EPHA10: variants seen among roughly 807,000 people sequenced by gnomAD.
The protein encoded by EPHA10 is EPH receptor A10.
Under a neutral mutation model 109.7 loss-of-function variants are expected in EPHA10, and 120 were observed. The ratio of observed to expected loss-of-function variants is 1.09; its 90% CI spans 0.94 to 1.27. The LOEUF (loss-of-function observed/expected upper bound fraction) is 1.27. Among genes scored for constraint, EPHA10 ranks in the 50% most tolerant of loss-of-function variants. EPHA10 has a pLI of 0.00. For synonymous variants in EPHA10, 640 were observed against 618.9 expected, an observed-to-expected ratio of 1.03 and a Z score of -0.51; for missense variants, 1,396 against 1,411.1, an observed-to-expected ratio of 0.99 and a Z score of 0.17.
chr1:37,721,560 G>A, intron 11 of EPHA10, 100 bp downstream of exon 11: 1 of 1,246,918 alleles, frequency 8.0e-7, no homozygotes. Flanking sequence ...ATAGCTGAGG[G>A]AAGGACCTGG....
chr1:37,742,720 T>C lies in EPHA10; in HGVS notation c.1358-7330A>G, dbSNP rs1408063967. 2.9e-5 allele frequency among the ~76,000 whole-genome samples: 2 copies of C among 68,514 alleles called. 1 individual carries two copies. The highest frequency in any genetic ancestry group is 6.7e-5 in the Non-Finnish European group (2 of 29,822). 44.9% of individuals were successfully genotyped at this position (68,514 alleles called of 152,430 possible). A position where few individuals can be genotyped will look rare whatever the true frequency, so the allele number is the denominator to read the frequency against. On this transcript the variant is annotated intron_variant, in intron 5 of 16. Transcript: ENST00000373048. Reference sequence around the variant, plus strand: ...GTCAGTTAGGGCCCAGCACTGTGGCTCATGCCTATAATCCCAGAGCTTTGA... The same window carrying C: ...GTCAGTTAGGGCCCAGCACTGTGGCCCATGCCTATAATCCCAGAGCTTTGA...
Position 37,754,235 on chromosome 1 carries a change from G to C in EPHA10, c.986C>G (p.Pro329Arg). Residue 329 changes from proline to arginine, a missense_variant, in exon 4 of 17, where the codon CCG becomes CGG. Pro to Arg is a moderately radical substitution (Grantham distance 103, BLOSUM62 -2). Transcript: ENST00000373048. The surrounding 1 kb of genome is among the most constrained non-coding windows in gnomAD (Gnocchi z 4.5). ...QDSYARSPTD[P>R]PSASCTRPPS... is the part of the protein sequence containing the mutation. ...CTCACGGGTGCAGGAAGCCGAGGGC[G>C]GGTCGGTGGGTGAGCGCGCATAGCT... 1 of 1,310,696 alleles carries C rather than the reference G, an allele frequency of 7.6e-7. No individual in the cohort carries two copies. The allele number at this position is 1,310,696 out of a possible 1,614,324, so 81.2% of individuals were successfully genotyped here.
chr1:37,725,112 G>C (rs922859634), intron 8 of EPHA10, among the ~76,000 whole-genome samples: 1 of 152,136 alleles, frequency 6.6e-6, no homozygotes, highest in African/African-American at 2.4e-5. Context: ...AGTAGTCCAG[G>C]GGCCAGTGAT....
At chr1:37,728,356 A>G (rs1207212735) in intron 7 of EPHA10, among the ~76,000 whole-genome samples, 1 of 152,136 alleles carries the variant, frequency 6.6e-6, no homozygotes, top group Non-Finnish European at 1.5e-5. Context: ...TTCCTGCCTA[A>G]GAAGAAAAGG....
chr1:37,729,009 C>G (rs1360251258), intron 7 of EPHA10, among the ~76,000 whole-genome samples: 3 of 152,138 alleles, frequency 2.0e-5, no homozygotes, highest in Non-Finnish European at 4.4e-5. Flanking sequence ...CAGAATATGG[C>G]AAGAGTATTG....
In EPHA10 at chr1:37,754,393, A is replaced by C; in HGVS notation, c.851-23T>G. Reference sequence around the variant, plus strand: ...AGGCTGCAGGGCATGGCTGGTGAGAAGAGGGGGCTCCTCCAGTTTCTCCCC... The same window carrying C: ...AGGCTGCAGGGCATGGCTGGTGAGACGAGGGGGCTCCTCCAGTTTCTCCCC... On this transcript the variant is annotated intron_variant, in intron 3 of 16. Transcript: ENST00000373048. This position sits in a 1 kb window ranked among gnomAD's most constrained non-coding sequence, Gnocchi z 4.5. The C allele has an allele frequency of 7.8e-7, 1 of 1,286,212 alleles. No homozygotes were observed. The highest frequency in any genetic ancestry group is 1.5e-5 in the African/African-American group (1 of 64,908). The allele number at this position is 1,286,212 out of a possible 1,614,324, so 79.7% of individuals were successfully genotyped here. A position where few individuals can be genotyped will look rare whatever the true frequency, so the allele number is the denominator to read the frequency against.
intron 1 of EPHA10, among the ~76,000 whole-genome samples, chr1:37,763,506 G>A (rs1646450879): frequency 1.3e-5 from 2 of 152,150 alleles, no homozygotes; most frequent in Admixed American, 1.3e-4. Flanking sequence ...CACGGTTCTA[G>A]GGATTAGGAC....
At chr1:37,761,320 C>T (rs1646427714) in intron 3 of EPHA10, 85 bp downstream of exon 3, 9 of 1,556,980 alleles carry the variant, frequency 5.8e-6, no homozygotes, top group East Asian at 2.2e-5. Flanking sequence ...ACCCCACACC[C>T]GCCTCTTTCC....
Position 37,754,106 on chromosome 1 carries a change from G to C in EPHA10, c.1006+109C>G, listed in dbSNP as rs1323949261. On this transcript the variant is annotated intron_variant, in intron 4 of 16. Coordinates refer to ENST00000373048, the MANE Select transcript of EPHA10 (RefSeq NM_001099439.2). This position sits in a 1 kb window ranked among gnomAD's most constrained non-coding sequence, Gnocchi z 4.5. ...GGCGCTGGCCCCCATATCCGCCCAC[G>C]TGCGCCCCAGTGCGGAGACCCTGCC... The C allele has an allele frequency of 1.7e-6, 2 of 1,168,014 alleles. No individual in the cohort carries two copies. Among genetic ancestry groups the C allele is most frequent in the Non-Finnish European group, 1.1e-6 (1 of 925,370 alleles). The allele number at this position is 1,168,014 out of a possible 1,614,324, so 72.4% of individuals were successfully genotyped here.
In EPHA10 at chr1:37,761,942, G is replaced by C. The variant is rs1305600481; in HGVS notation, c.313C>G (p.Leu105Val). Reference protein sequence around the residue: ...RGRGQRIFVELQFTLRDCSSI... With the variant: ...RGRGQRIFVEVQFTLRDCSSI... ...CTGCAGTCACGGAGTGTGAACTGCA[G>C]TTCCACGAAGATGCGCTGCCCGCGG... The change falls in exon 3 of 17, where the codon CTG becomes GTG. Residue 105 changes from leucine (L) to valine (V), a missense_variant. Physicochemically the swap from Leu to Val is conservative, Grantham distance 32. Transcript: ENST00000373048. 1 of 1,614,138 alleles carries C rather than the reference G, an allele frequency of 6.2e-7. No individual in the cohort carries two copies. The highest frequency in any genetic ancestry group is 1.3e-5 in the African/African-American group (1 of 75,080).
chr1:37,764,492 G>C lies in EPHA10; in HGVS notation c.106+469C>G, dbSNP rs947529706. Among the ~76,000 whole-genome samples the C allele has an allele frequency of 6.6e-6, 1 of 152,218 alleles. No individual in the cohort carries two copies. Among genetic ancestry groups the C allele is most frequent in the Non-Finnish European group, 1.5e-5 (1 of 68,040 alleles). ...CGGACAGTTCCATGATCAGCACGTCGGGCAGCGCCCGGATCCAGCCCCCTC... is the reference window on the plus strand; with the variant it reads ...CGGACAGTTCCATGATCAGCACGTCCGGCAGCGCCCGGATCCAGCCCCCTC... On this transcript the variant is annotated intron_variant, in intron 1 of 16. Coordinates refer to ENST00000373048, the MANE Select transcript of EPHA10 (RefSeq NM_001099439.2). This position sits in a 1 kb window ranked among gnomAD's most constrained non-coding sequence, Gnocchi z 5.8.
chr1:37,762,818 G>C lies in EPHA10; in HGVS notation c.138C>G (p.Ala46=), dbSNP rs763001975. The C allele has an allele frequency of 5.1e-6, 8 of 1,553,694 alleles. No individual in the cohort carries two copies. The highest frequency in any genetic ancestry group is 7.0e-6 in the Non-Finnish European group (8 of 1,147,838). Residue 46 remains alanine (A), a synonymous_variant, in exon 2 of 17, where the codon GCC becomes GCG. Transcript: ENST00000373048. ...TTGGCAGTGCAGTCCAGCCCAGCTC[G>C]GCCTGGGAGGCTTTGGAATCCAGGA... The part of the protein sequence containing the change: ...VILLDSKASQ[A]ELGWTALPSN...
chr1:37,737,125 C>A (rs1445636782), intron 5 of EPHA10, among the ~76,000 whole-genome samples: 1 of 152,016 alleles, frequency 6.6e-6, no homozygotes, highest in Admixed American at 6.6e-5. Flanking sequence ...CTAAAAGGAC[C>A]ATGAATAGTC....
chr1:37,723,513 T>A, intron 8 of EPHA10, 141 bp from the exon 9 acceptor site: 2 of 955,062 alleles, frequency 2.1e-6, no homozygotes, highest in Non-Finnish European at 3.1e-6. Flanking sequence ...CCAGCTGGTT[T>A]AAAAGCTTCT....
intron 5 of EPHA10, among the ~76,000 whole-genome samples, chr1:37,746,812 C>A (rs186523825): frequency 3.3e-5 from 5 of 152,256 alleles, no homozygotes. Context: ...CTGATACGTG[C>A]TACAATATGG....
At position 37,718,368 on chromosome 1, in the gene EPHA10, C is replaced by T. The variant is rs1243530283; in HGVS notation, c.*4G>A. ...GAGTCCTGCCTTGGAAGAATGGGGT[C>T]CACTCACACCTGCACCCCCTGGCCC... On this transcript the variant is annotated 3_prime_UTR_variant, in exon 17 of 17. Coordinates refer to ENST00000373048, the MANE Select transcript of EPHA10 (RefSeq NM_001099439.2). 6.3e-7 allele frequency: 1 copy of T among 1,596,144 alleles called. No homozygotes were observed. Among genetic ancestry groups the T allele is most frequent in the East Asian group, 2.2e-5 (1 of 44,758 alleles).
intron 5 of EPHA10, among the ~76,000 whole-genome samples, chr1:37,740,009 G>T (rs551549499): frequency 6.6e-6 from 1 of 152,034 alleles, no homozygotes; most frequent in East Asian, 1.9e-4. Flanking sequence ...CAGGAGGCTT[G>T]CCCAAGACCA....
At chr1:37,732,397 C>T (rs1645998583) in intron 6 of EPHA10, among the ~76,000 whole-genome samples, 4 of 152,180 alleles carry the variant, frequency 2.6e-5, no homozygotes, top group African/African-American at 9.7e-5. Flanking sequence ...CCCGTCGTTT[C>T]GTCCCTGCCC....
intron 6 of EPHA10, chr1:37,734,469 G>A: frequency 2.8e-6 from 1 of 356,680 alleles, no homozygotes; most frequent in Admixed American, 3.7e-5. Context: ...GGGAGACGGA[G>A]GTTGCAGTGA....
Sources: allele counts gnomAD v4.1 joint callset (sites outside exome capture counted in the v4.1 genomes callset), GRCh38; gene constraint gnomAD v4.1.1; non-coding constraint Gnocchi (gnomAD v3.1); transcripts MANE v1.5; gene names NCBI Gene and HGNC (gene_info 2026-07-23, HGNC 2026-07-21).